The following SLC30A9 variants were observed in gnomAD, a reference collection of about 807,000 sequenced individuals.
SLC30A9 encodes proton-coupled zinc antiporter SLC30A9, mitochondrial.
A neutral mutation model predicts 87.5 loss-of-function variants in SLC30A9; 58 were observed. The ratio of observed to expected loss-of-function variants is 0.66; its 90% CI spans 0.54 to 0.82. The LOEUF is 0.82. SLC30A9 is among the 40% of genes least tolerant of loss of function. The probability of loss-of-function intolerance (pLI) is 0.00; values close to 1 mark genes in which losing one functional copy is unlikely to be tolerated. For synonymous variants in SLC30A9, 234 were observed against 233.0 expected (o/e 1.00, Z -0.04); for missense variants, 557 against 679.1 (o/e 0.82, Z 2.00).
At chr4:42,029,584 G>A (rs1327545516) in intron 6 of SLC30A9, 1 of 698,742 alleles carries the variant, frequency 1.4e-6, no homozygotes, top group Non-Finnish European at 2.6e-6. Flanking sequence ...CATGATTTTT[G>A]AAAATTGTGA....
rs375518297 is a variant in SLC30A9, at chr4:42,076,974, A to AG, written c.1548+1188_1548+1189insG. On this transcript the variant is annotated intron_variant, in intron 16 of 17. Transcript: ENST00000264451. ...GAGACTCCGTCTCAAAAAAAAAAAA[A>AG]AAAGAAAGAAACAATGCCATGATTG... 5.7e-5 allele frequency among the ~76,000 whole-genome samples: 8 copies of AG among 141,250 alleles called. 1 individual carries two copies. The highest frequency in any genetic ancestry group is 7.6e-5 in the Non-Finnish European group (5 of 65,848). 92.7% of individuals were successfully genotyped at this position (141,250 alleles called of 152,430 possible).
At chr4:41,991,040 CAA>C (rs1341238040) in intron 1 of SLC30A9, among the ~76,000 whole-genome samples, 1 of 152,234 alleles carries the variant, frequency 6.6e-6, no homozygotes, top group African/African-American at 2.4e-5. Context: ...TTGTACCAAA[CAA>C]AATGTTACGT....
intron 12 of SLC30A9, among the ~76,000 whole-genome samples, 154 bp downstream of exon 12, chr4:42,065,503 G>A (rs1192639248): frequency 6.6e-6 from 1 of 152,236 alleles, no homozygotes; most frequent in Non-Finnish European, 1.5e-5. Context: ...TAAAGTCTTT[G>A]CATAATGTAC....
intron 6 of SLC30A9, among the ~76,000 whole-genome samples, chr4:42,028,510 T>A (rs1716285739): frequency 6.6e-6 from 1 of 152,242 alleles, no homozygotes; most frequent in Admixed American, 6.5e-5. Flanking sequence ...ATGATGGTGG[T>A]AAAAATACAT....
At chr4:42,022,765 C>T in intron 4 of SLC30A9, 73 bp from the exon 5 acceptor site, 1 of 779,220 alleles carries the variant, frequency 1.3e-6, no homozygotes, top group South Asian at 2.2e-5. Context: ...TTTATCTGCC[C>T]TTAGTAATCC....
chr4:41,990,675 C>A lies in SLC30A9; in HGVS notation c.24C>A (p.Ala8=). The A allele has an allele frequency of 6.2e-7, 1 of 1,607,818 alleles. No homozygotes were observed. Among genetic ancestry groups the A allele is most frequent in the Non-Finnish European group, 8.5e-7 (1 of 1,176,272 alleles). Reference sequence around the variant, plus strand: ...GGATGTTACCCGGCTTGGCCGCCGCCGCGGCCCACAGATGTAGCTGGTCCT... The same window carrying A: ...GGATGTTACCCGGCTTGGCCGCCGCAGCGGCCCACAGATGTAGCTGGTCCT... MLPGLAA[A]AAHRCSWSSL... is the part of the protein sequence containing the mutation. The change falls in exon 1 of 18, where the codon GCC becomes GCA. Residue 8 remains alanine, a synonymous_variant. Transcript: ENST00000264451.
intron 2 of SLC30A9, among the ~76,000 whole-genome samples, chr4:42,011,559 G>A (rs776131080): frequency 4.6e-5 from 7 of 152,154 alleles, no homozygotes; most frequent in Non-Finnish European, 1.0e-4. Context: ...CTGAGCACAA[G>A]AATGTGAAGA....
chr4:42,038,020 T>G (rs1716765221), intron 7 of SLC30A9, among the ~76,000 whole-genome samples: 1 of 151,994 alleles, frequency 6.6e-6, no homozygotes, highest in South Asian at 2.1e-4. Context: ...AGTCTGCCCA[T>G]CTTGGCCTCC....
intron 6 of SLC30A9, among the ~76,000 whole-genome samples, chr4:42,027,861 T>C (rs1716259064): frequency 6.6e-6 from 1 of 152,226 alleles, no homozygotes; most frequent in South Asian, 2.1e-4. Context: ...TCCTGTTTAA[T>C]TTAAGCAGCT....
At chr4:42,034,120 C>G (rs1254217304) in intron 6 of SLC30A9, among the ~76,000 whole-genome samples, 1 of 146,716 alleles carries the variant, frequency 6.8e-6, no homozygotes, top group Non-Finnish European at 1.5e-5. Flanking sequence ...AAAATACTCT[C>G]TCATATTTTT....
At chr4:42,000,983 T>C (rs370580715) in intron 1 of SLC30A9, among the ~76,000 whole-genome samples, 1 of 152,142 alleles carries the variant, frequency 6.6e-6, no homozygotes, top group South Asian at 2.1e-4. Context: ...TTTCTAGTAC[T>C]TGGGTAAATT....
At chr4:41,996,319 C>T (rs1280526473) in intron 1 of SLC30A9, among the ~76,000 whole-genome samples, 1 of 151,584 alleles carries the variant, frequency 6.6e-6, no homozygotes, top group Admixed American at 6.6e-5. Context: ...TGGTCTCAAA[C>T]TCCTGACCTC....
intron 6 of SLC30A9, among the ~76,000 whole-genome samples, chr4:42,026,029 A>G (rs939125650): frequency 1.3e-5 from 2 of 152,046 alleles, no homozygotes; most frequent in Non-Finnish European, 2.9e-5. Context: ...CTCAGGTGCA[A>G]TCATAGTGAA....
intron 17 of SLC30A9, among the ~76,000 whole-genome samples, chr4:42,083,315 C>T (rs547216107): frequency 1.3e-5 from 2 of 152,090 alleles, no homozygotes; most frequent in Non-Finnish European, 2.9e-5. Context: ...ATAGCCTAAT[C>T]GGTATTGAGC....
rs1180421350 is a variant in SLC30A9, at chr4:42,021,917, A to ATTTTTTTTTT, written c.435-901_435-892dup. 2.0e-4 allele frequency among the ~76,000 whole-genome samples: 8 copies of ATTTTTTTTTT among 39,946 alleles called. 1 individual carries two copies. The highest frequency in any genetic ancestry group is 5.2e-4 in the African/African-American group (8 of 15,482). 26.2% of individuals were successfully genotyped at this position (39,946 alleles called of 152,430 possible). A position where few individuals can be genotyped will look rare whatever the true frequency, so the allele number is the denominator to read the frequency against. On this transcript the variant is annotated intron_variant, in intron 4 of 17. Transcript: ENST00000264451. ...GGCTGTGCGCCACCACGCCTGGCTA[A>ATTTTTTTTTT]TTTTTTTTTTTTTTTTTTTTTTTTT...
chr4:42,009,545 G>T (rs185785063), intron 2 of SLC30A9, among the ~76,000 whole-genome samples: 1 of 152,198 alleles, frequency 6.6e-6, no homozygotes, highest in East Asian at 1.9e-4. Context: ...AATGTCTAGC[G>T]ATATTCATGG....
intron 6 of SLC30A9, chr4:42,029,497 C>G: frequency 1.5e-6 from 1 of 672,258 alleles, no homozygotes; most frequent in South Asian, 1.6e-5. Flanking sequence ...TCCTAATGAT[C>G]CCAAGCACTG....
chr4:42,021,670 A>T (rs892931062), intron 4 of SLC30A9, among the ~76,000 whole-genome samples: 108 of 152,220 alleles, frequency 7.1e-4, no homozygotes, highest in Admixed American at 1.4e-3. Flanking sequence ...ATATAAACAA[A>T]TAATGACTGT....
At chr4:42,015,877 C>G (rs1253093825) in intron 2 of SLC30A9, among the ~76,000 whole-genome samples, 2 of 151,930 alleles carry the variant, frequency 1.3e-5, no homozygotes, top group East Asian at 1.9e-4. Context: ...GAAAAATACA[C>G]AAATACCTAC....
Sources: allele counts gnomAD v4.1 joint callset (sites outside exome capture counted in the v4.1 genomes callset), GRCh38; gene constraint gnomAD v4.1.1; transcripts MANE v1.5; gene names NCBI Gene and HGNC (gene_info 2026-07-23, HGNC 2026-07-21).